Variants in SCARA3 observed in about 807,000 individuals in gnomAD.
SCARA3 encodes the protein cellular stress response gene protein.
Under a neutral mutation model 47.0 loss-of-function variants are expected in SCARA3, and 39 were observed. That is an observed-to-expected ratio of 0.83 (90% CI 0.64 to 1.08). The LOEUF (loss-of-function observed/expected upper bound fraction) is 1.08. Ranked by LOEUF, SCARA3 falls within the 50% of genes least tolerant of loss-of-function variation. SCARA3 has a pLI of 0.00. For synonymous variants in SCARA3, 356 were observed against 334.1 expected, an observed-to-expected ratio of 1.07 and a Z score of -0.71; for missense variants, 724 against 792.3, an observed-to-expected ratio of 0.91 and a Z score of 1.04.
the SCARA3 span, among the ~76,000 whole-genome samples, chr8:27,731,393 C>A: frequency 6.6e-6 from 1 of 151,964 alleles, no homozygotes; most frequent in Non-Finnish European, 1.5e-5. Flanking sequence ...CCACTGCACT[C>A]TTCTGCCTCA....
At chr8:27,709,597 C>T in the SCARA3 span, among the ~76,000 whole-genome samples, 3 of 152,278 alleles carry the variant, frequency 2.0e-5, no homozygotes, top group African/African-American at 7.2e-5. Flanking sequence ...GATTCAACTG[C>T]TCACCCTCAA....
chr8:27,656,971 A>G, intron 4 of SCARA3, 91 bp downstream of exon 4: 3 of 807,936 alleles, frequency 3.7e-6, no homozygotes, highest in Non-Finnish European at 6.5e-6. Context: ...GCACCAAGCA[A>G]CCTTCACCAG....
At chr8:27,686,729 TGTTA>T in the SCARA3 span, among the ~76,000 whole-genome samples, 1 of 152,176 alleles carries the variant, frequency 6.6e-6, no homozygotes, top group African/African-American at 2.4e-5. Context: ...GTAGCTGTTG[TGTTA>T]GTTTACGAGT....
chr8:27,657,270 T>C (rs1183916110), intron 4 of SCARA3, among the ~76,000 whole-genome samples: 4 of 151,958 alleles, frequency 2.6e-5, no homozygotes, highest in Non-Finnish European at 5.9e-5. Context: ...ATTCTTTTCT[T>C]TTTTCTTTTT....
chr8:27,698,056 T>C, the SCARA3 span, among the ~76,000 whole-genome samples: 1 of 152,172 alleles, frequency 6.6e-6, no homozygotes, highest in Admixed American at 6.5e-5. Flanking sequence ...AACAACAAAA[T>C]TTTATATCCA....
chr8:27,658,738 G>T lies in SCARA3; in HGVS notation c.568G>T (p.Ala190Ser). 1 of 1,614,114 alleles carries T rather than the reference G, an allele frequency of 6.2e-7. No individual in the cohort carries two copies. The highest frequency in any genetic ancestry group is 1.3e-5 in the African/African-American group (1 of 75,046). ...QVNQSLGLFL[A>S]QVRGWQATTA... ...TAACCAGTCTCTGGGGCTCTTCCTG[G>T]CCCAGGTGAGAGGCTGGCAGGCCAC... The change falls in exon 5 of 6, where the codon GCC becomes TCC. Residue 190 changes from alanine (A) to serine (S), a missense_variant. By Grantham distance (99) the Ala-to-Ser change is moderately conservative. Coordinates refer to ENST00000301904, the MANE Select transcript of SCARA3 (RefSeq NM_016240.3).
chr8:27,688,047 A>G, the SCARA3 span, among the ~76,000 whole-genome samples: 1 of 152,198 alleles, frequency 6.6e-6, no homozygotes, highest in African/African-American at 2.4e-5. Flanking sequence ...AGGAAGAACT[A>G]GGAATCTGAT....
At chr8:27,648,559 G>A (rs1486323786) in intron 1 of SCARA3, among the ~76,000 whole-genome samples, 2 of 151,852 alleles carry the variant, frequency 1.3e-5, no homozygotes, top group African/African-American at 2.4e-5. Flanking sequence ...AGCCGAGATA[G>A]CACCACTGCA....
At chr8:27,691,315 A>G in the SCARA3 span, among the ~76,000 whole-genome samples, 4 of 152,102 alleles carry the variant, frequency 2.6e-5, no homozygotes, top group African/African-American at 9.7e-5. Context: ...CCCCAACCCC[A>G]GTCTTACTTC....
the SCARA3 span, among the ~76,000 whole-genome samples, chr8:27,692,538 G>A: frequency 6.6e-6 from 1 of 152,024 alleles, no homozygotes; most frequent in East Asian, 1.9e-4. Flanking sequence ...TATCTGTTAT[G>A]AATTTTGAAA....
chr8:27,638,139 C>T (rs770186881), intron 1 of SCARA3, among the ~76,000 whole-genome samples: 35 of 152,150 alleles, frequency 2.3e-4, no homozygotes, highest in Admixed American at 1.3e-4. Flanking sequence ...CAAGGCTCAT[C>T]GAGAGCGAGG....
chr8:27,637,861 C>T (rs1801289173), intron 1 of SCARA3, among the ~76,000 whole-genome samples: 1 of 151,974 alleles, frequency 6.6e-6, no homozygotes, highest in African/African-American at 2.4e-5. Flanking sequence ...GATCTCCACT[C>T]ATGAGCGGCC....
At chr8:27,704,362 C>G in the SCARA3 span, among the ~76,000 whole-genome samples, 4 of 152,118 alleles carry the variant, frequency 2.6e-5, no homozygotes, top group African/African-American at 4.8e-5. Context: ...GGAAGGATTG[C>G]TTGAGCCCAG....
chr8:27,714,740 A>G, the SCARA3 span, among the ~76,000 whole-genome samples: 2 of 152,096 alleles, frequency 1.3e-5, no homozygotes, highest in Non-Finnish European at 2.9e-5. Flanking sequence ...CCCTTTCTGT[A>G]TTTGTAATAC....
chr8:27,686,506 T>A, the SCARA3 span, among the ~76,000 whole-genome samples: 1 of 152,024 alleles, frequency 6.6e-6, no homozygotes, highest in Non-Finnish European at 1.5e-5. Context: ...ATAATAATAC[T>A]ACAAAGAAGT....
chr8:27,635,322 T>C (rs1801227858), intron 1 of SCARA3, among the ~76,000 whole-genome samples: 1 of 152,026 alleles, frequency 6.6e-6, no homozygotes, highest in African/African-American at 2.4e-5. Flanking sequence ...CATTGCATAG[T>C]TAGGGAAACT....
downstream of SCARA3, among the ~76,000 whole-genome samples, chr8:27,673,230 G>C (rs1201663501): frequency 1.3e-5 from 2 of 152,240 alleles, no homozygotes; most frequent in East Asian, 1.9e-4. Flanking sequence ...AGGAACAGAG[G>C]GGGAAATGCT....
At chr8:27,693,300 C>T in the SCARA3 span, among the ~76,000 whole-genome samples, 2 of 152,174 alleles carry the variant, frequency 1.3e-5, no homozygotes, top group Non-Finnish European at 2.9e-5. Context: ...AGCCTGACAA[C>T]ATTGGGCACA....
At chr8:27,668,723 T>C (rs1802075936) in intron 5 of SCARA3, among the ~76,000 whole-genome samples, 1 of 151,924 alleles carries the variant, frequency 6.6e-6, no homozygotes, top group South Asian at 2.1e-4. Flanking sequence ...AAAAATCAGC[T>C]GGCATGGTGG....
Sources: gnomAD v4.1 joint callset for allele counts (sites outside exome capture counted in the v4.1 genomes callset) on GRCh38, gnomAD v4.1.1 for gene constraint, MANE v1.5 for transcripts, NCBI Gene and HGNC (gene_info 2026-07-23, HGNC 2026-07-21) for gene names.